PPP2R2B: variants seen among roughly 807,000 people sequenced by gnomAD.
PPP2R2B encodes protein phosphatase 2 regulatory subunit Bbeta.
A neutral mutation model predicts 46.0 loss-of-function variants in PPP2R2B; 5 were observed. The ratio of observed to expected loss-of-function variants is 0.11; its 90% CI spans 0.06 to 0.23. The LOEUF (loss-of-function observed/expected upper bound fraction) is 0.23, where lower values mean the gene tolerates loss of function less well. Ranked by LOEUF, PPP2R2B falls within the 10% of genes least tolerant of loss-of-function variation. The probability of loss-of-function intolerance (pLI) is 1.00; values close to 1 mark genes in which losing one functional copy is unlikely to be tolerated. For missense variants in PPP2R2B, 367 were observed against 575.0 expected (o/e 0.64, Z 3.70); for synonymous variants, 215 against 206.7 (o/e 1.04, Z -0.34).
At position 146,590,115 on chromosome 5, in the gene PPP2R2B, G is replaced by T; in HGVS notation, c.1164C>A (p.Leu388=). The change falls in exon 10 of 10, where the codon CTC becomes CTA. Residue 388 remains leucine, a synonymous_variant. Coordinates refer to ENST00000394411, the MANE Select transcript of PPP2R2B (RefSeq NM_181675.4). ...SRENSKPRAI[L]KPRKVCVGGK... ...CCCCCACACACACTTTTCGGGGTTTGAGGATAGCCCGGGGCTTGCTGTTTT... is the reference window on the plus strand; with the variant it reads ...CCCCCACACACACTTTTCGGGGTTTTAGGATAGCCCGGGGCTTGCTGTTTT... 1 of 1,614,132 alleles carries T rather than the reference G, an allele frequency of 6.2e-7. No homozygotes were observed. The highest frequency in any genetic ancestry group is 8.5e-7 in the Non-Finnish European group (1 of 1,180,034).
intron 1 of PPP2R2B, among the ~76,000 whole-genome samples, chr5:146,977,001 A>G (rs375790267): frequency 1.2e-4 from 19 of 152,008 alleles, no homozygotes; most frequent in Admixed American, 6.6e-4. Context: ...TCATATAATA[A>G]CAACTTCATC....
At chr5:146,608,769 A>C (rs1260706587) in intron 7 of PPP2R2B, among the ~76,000 whole-genome samples, 3 of 152,332 alleles carry the variant, frequency 2.0e-5, no homozygotes. Flanking sequence ...TGGGCCACAG[A>C]GTAAGACTCT....
intron 5 of PPP2R2B, among the ~76,000 whole-genome samples, chr5:146,658,317 G>A (rs919688975): frequency 3.3e-5 from 5 of 152,170 alleles, no homozygotes; most frequent in African/African-American, 4.8e-5. Flanking sequence ...GGAAATTCCA[G>A]ATTCCGGCCT....
chr5:147,076,597 A>G (rs1580890834), intron 2 of PPP2R2B, among the ~76,000 whole-genome samples: 1 of 152,188 alleles, frequency 6.6e-6, no homozygotes, highest in East Asian at 1.9e-4. Flanking sequence ...AAAATTATTT[A>G]AGGTTTGTCT....
chr5:146,795,436 G>C (rs1285809885), intron 2 of PPP2R2B, among the ~76,000 whole-genome samples: 6 of 152,038 alleles, frequency 3.9e-5, no homozygotes, highest in Non-Finnish European at 5.9e-5. Context: ...ACCACACACA[G>C]AAAGACAATA....
At chr5:146,946,985 G>A (rs1405996403) in intron 1 of PPP2R2B, among the ~76,000 whole-genome samples, 1 of 151,742 alleles carries the variant, frequency 6.6e-6, no homozygotes, top group Admixed American at 6.6e-5. Flanking sequence ...CCTGCATCTT[G>A]TTTTATGTTG....
intron 2 of PPP2R2B, among the ~76,000 whole-genome samples, chr5:146,792,938 C>A (rs1411502871): frequency 6.6e-6 from 1 of 152,104 alleles, no homozygotes; most frequent in Non-Finnish European, 1.5e-5. Flanking sequence ...GTGACATGAT[C>A]TGACCTAATT....
intron 2 of PPP2R2B, among the ~76,000 whole-genome samples, chr5:146,752,527 T>G (rs921538443): frequency 3.3e-5 from 5 of 152,194 alleles, no homozygotes; most frequent in Non-Finnish European, 5.9e-5. Flanking sequence ...CCTAAGAGAA[T>G]AAGTGCCATG....
Position 146,782,840 on chromosome 5 carries a change from A to AAG in PPP2R2B, c.71-81700_71-81699dup, listed in dbSNP as rs542863607. The stretch of plus-strand genomic sequence containing the variant: ...ACAGAAGAAAGAAGGAAAAAGAAAG[A>AAG]AGAGAGGAGAGACAGAGAGAAACAG... On this transcript the variant is annotated intron_variant, in intron 2 of 9. Transcript: ENST00000394411. Among the ~76,000 whole-genome samples, 169 of 152,240 alleles carry AAG rather than the reference A, an allele frequency of 1.1e-3. 1 individual carries two copies. Among genetic ancestry groups the AAG allele is most frequent in the African/African-American group, 3.6e-3 (150 of 41,544 alleles).
At position 146,600,487 on chromosome 5, in the gene PPP2R2B, A is replaced by T. The variant is rs753976883; in HGVS notation, c.791-27T>A. The stretch of plus-strand genomic sequence containing the variant: ...TGCAGAACAAAAGCAAAACAAGACA[A>T]ATTTAGCAATCCTTATCAACTGACT... On this transcript the variant is annotated intron_variant, in intron 7 of 9. Transcript: ENST00000394411. 2.5e-6 allele frequency: 4 copies of T among 1,610,352 alleles called. No homozygotes were observed. In the Admixed American group the frequency reaches 6.7e-5, roughly 27 times the overall value.
At chr5:147,079,281 T>G (rs1213240665) in intron 2 of PPP2R2B, among the ~76,000 whole-genome samples, 1 of 150,770 alleles carries the variant, frequency 6.6e-6, no homozygotes. Context: ...CCATGTTTAT[T>G]GCAGCTCTAG....
chr5:146,638,668 T>C (rs1774986506), intron 6 of PPP2R2B, among the ~76,000 whole-genome samples: 1 of 152,224 alleles, frequency 6.6e-6, no homozygotes, highest in African/African-American at 2.4e-5. Context: ...TTTTATCCTC[T>C]ATAAACATGT....
At chr5:146,900,362 C>T (rs749909335) in intron 1 of PPP2R2B, among the ~76,000 whole-genome samples, 21 of 152,120 alleles carry the variant, frequency 1.4e-4, no homozygotes, top group Non-Finnish European at 2.8e-4. Context: ...AATGTAGAAA[C>T]AGGGAGAACC....
intron 2 of PPP2R2B, among the ~76,000 whole-genome samples, chr5:146,821,374 T>G (rs1758252639): frequency 6.6e-6 from 1 of 152,210 alleles, no homozygotes. Context: ...CTTGAAGCTC[T>G]GATTTATCCT....
intron 2 of PPP2R2B, among the ~76,000 whole-genome samples, chr5:146,859,176 C>T (rs1760841432): frequency 6.6e-6 from 1 of 152,146 alleles, no homozygotes; most frequent in African/African-American, 2.4e-5. Flanking sequence ...ATTAACTCCA[C>T]TGGATCTCAG....
At chr5:146,956,548 C>T (rs1421611507) in intron 1 of PPP2R2B, among the ~76,000 whole-genome samples, 2 of 152,208 alleles carry the variant, frequency 1.3e-5, no homozygotes, top group Non-Finnish European at 2.9e-5. Flanking sequence ...ACACTTCAAA[C>T]TTAAGAGTAC....
chr5:146,671,543 T>C (rs1487864971), intron 5 of PPP2R2B, among the ~76,000 whole-genome samples: 2 of 152,238 alleles, frequency 1.3e-5, no homozygotes, highest in Admixed American at 1.3e-4. Context: ...TAGTGCCTAA[T>C]ACTTACTGTG....
At chr5:146,688,286 C>T (rs1311271511) in intron 5 of PPP2R2B, among the ~76,000 whole-genome samples, 8 of 151,636 alleles carry the variant, frequency 5.3e-5, no homozygotes, top group Admixed American at 1.3e-4. Flanking sequence ...TAACATGTCT[C>T]TCCAAAAAAT....
intron 1 of PPP2R2B, among the ~76,000 whole-genome samples, chr5:146,992,507 G>A (rs758810008): frequency 3.4e-4 from 52 of 152,220 alleles, no homozygotes; most frequent in South Asian, 2.1e-4. Flanking sequence ...TCTATGTTGC[G>A]GGGAGGGCTT....
Sources: allele counts gnomAD v4.1 joint callset (sites outside exome capture counted in the v4.1 genomes callset), GRCh38; gene constraint gnomAD v4.1.1; transcripts MANE v1.5; gene names NCBI Gene and HGNC (gene_info 2026-07-23, HGNC 2026-07-21).